The following ZNF219 variants were observed in gnomAD, a reference collection of about 807,000 sequenced individuals.
ZNF219 encodes zinc finger protein 219.
In ZNF219, 17 loss-of-function variants were observed where a neutral mutation model predicts 54.4. The ratio of observed to expected loss-of-function variants is 0.31; its 90% CI spans 0.21 to 0.47. The LOEUF is 0.47. Among genes scored for constraint, ZNF219 ranks in the 20% least tolerant of loss-of-function variants. The pLI is 1.00. For synonymous variants in ZNF219, 518 were observed against 476.4 expected (o/e 1.09, Z -1.14); for missense variants, 1,014 against 1,062.3 (o/e 0.95, Z 0.63).
chr14:21,090,403 T>A lies in ZNF219; in HGVS notation c.*133A>T. The A allele has an allele frequency of 7.8e-7, 1 of 1,283,200 alleles. No homozygotes were observed. The highest frequency in any genetic ancestry group is 1.1e-6 in the Non-Finnish European group (1 of 949,934). 79.5% of individuals were successfully genotyped at this position (1,283,200 alleles called of 1,614,324 possible). A position where few individuals can be genotyped will look rare whatever the true frequency, so the allele number is the denominator to read the frequency against. On this transcript the variant is annotated 3_prime_UTR_variant, in exon 5 of 5. Transcript: ENST00000360947. The surrounding 1 kb of genome is among the most constrained non-coding windows in gnomAD (Gnocchi z 4.4). ...CCACCCTCCTACGCCCGCCGCGCCTTCCACCTCTGGTCCGCCTGGGGCTGG... is the reference window on the plus strand; with the variant it reads ...CCACCCTCCTACGCCCGCCGCGCCTACCACCTCTGGTCCGCCTGGGGCTGG...
At chr14:21,096,924 C>G (rs1356971721) in intron 1 of ZNF219, among the ~76,000 whole-genome samples, 1 of 152,210 alleles carries the variant, frequency 6.6e-6, no homozygotes, top group African/African-American at 2.4e-5. Flanking sequence ...TTCAGGACTT[C>G]TGGGGTCCAG....
In ZNF219 at chr14:21,093,057, T is replaced by G. The variant is rs770933409; in HGVS notation, c.240A>C (p.Pro80=). Residue 80 remains proline (P), a synonymous_variant, in exon 3 of 5, where the codon CCA becomes CCC. Transcript: ENST00000360947. ...GAGGGCACTGGAAGGCCTGGGCTCC[T>G]GGGTGCGCCCGCAGGTGCAAAGCAA... is the stretch of plus-strand genomic sequence containing the variant. The part of the protein sequence containing the change: ...SILALHLRAH[P]GAQAFQCPHC... The G allele has an allele frequency of 7.5e-6, 12 of 1,600,914 alleles. No individual in the cohort carries two copies. In the South Asian group the frequency reaches 1.3e-4, roughly 18 times the overall value.
In ZNF219 at chr14:21,092,554, G is replaced by C; in HGVS notation, c.743C>G (p.Pro248Arg). 1 of 1,548,216 alleles carries C rather than the reference G, an allele frequency of 6.5e-7. No homozygotes were observed. The highest frequency in any genetic ancestry group is 1.2e-5 in the South Asian group (1 of 83,980). The change falls in exon 3 of 5, where the codon CCG (proline) becomes CGG (arginine). Residue 248 changes from proline to arginine, a missense_variant. Physicochemically the swap from Pro to Arg is moderately radical, Grantham distance 103. Around this residue, in one of 5 missense-constraint regions of ZNF219, gnomAD observed 395 missense variants for 415.1 expected, o/e 0.95. Coordinates refer to ENST00000360947, the MANE Select transcript of ZNF219 (RefSeq NM_016423.3). ...PEPRSVPQPE[P>R]EPEPEREATP... ...TGCCTCACGTTCGGGCTCCGGCTCC[G>C]GCTCCGGCTGGGGGACTGATCTGGG...
chr14:21,092,599 TGAGG>T lies in ZNF219; in HGVS notation c.694_697del (p.Pro232SerfsTer89). On this transcript the variant is annotated frameshift_variant, in exon 3 of 5. Transcript: ENST00000360947. LOFTEE classifies it high-confidence loss of function. Reference sequence around the variant, plus strand: ...TCTGGGTTCGGGCTGGGGTGGAGGCTGAGGCTGAGGCTGAGGCGGAGGCGCAGCG... The same window carrying T: ...TCTGGGTTCGGGCTGGGGTGGAGGCTCTGAGGCTGAGGCGGAGGCGCAGCG... The T allele has an allele frequency of 3.0e-6, 3 of 991,084 alleles. No homozygotes were observed. The highest frequency in any genetic ancestry group is 2.5e-5 in the African/African-American group (1 of 40,026). The allele number at this position is 991,084 out of a possible 1,614,324, so 61.4% of individuals were successfully genotyped here.
At chr14:21,091,633 T>TC (rs1195602181) in intron 3 of ZNF219, 91 bp from the exon 4 acceptor site, 25 of 1,506,382 alleles carry the variant, frequency 1.7e-5, no homozygotes, top group Non-Finnish European at 2.1e-5. Context: ...TAGGGCTGCT[T>TC]CCCCTCGGGG....
rs750433784 is a variant in ZNF219, at chr14:21,090,162, G to T, written c.*374C>A. 2 of 503,248 alleles carry T rather than the reference G, an allele frequency of 4.0e-6. No individual in the cohort carries two copies. 31.2% of individuals were successfully genotyped at this position (503,248 alleles called of 1,614,324 possible). A position where few individuals can be genotyped will look rare whatever the true frequency, so the allele number is the denominator to read the frequency against. On this transcript the variant is annotated 3_prime_UTR_variant, in exon 5 of 5. Transcript: ENST00000360947. This position sits in a 1 kb window ranked among gnomAD's most constrained non-coding sequence, Gnocchi z 4.4. ...CGTACCAAAAATAGCGACGTCTACA[G>T]GGCCCCTGATGGGGCTAGAAGGGTA... is the stretch of plus-strand genomic sequence containing the variant.
In ZNF219 at chr14:21,092,228, A is replaced by T. The variant is rs1443592853; in HGVS notation, c.1069T>A (p.Leu357Met). ...PDLGLLAYEPLGPALLLAPAP... is the reference protein window; with the variant it reads ...PDLGLLAYEPMGPALLLAPAP... ...GGGGCCAAGAGGAGCGCTGGGCCCA[A>T]CGGCTCATAGGCCAGCAGGCCGAGG... Residue 357 changes from leucine (L) to methionine (M), a missense_variant, in exon 3 of 5, where the codon TTG becomes ATG. By Grantham distance (15) the Leu-to-Met change is conservative. Around this residue, in one of 5 missense-constraint regions of ZNF219, gnomAD observed 272 missense variants for 248.9 expected, o/e 1.09. Coordinates refer to ENST00000360947, the MANE Select transcript of ZNF219 (RefSeq NM_016423.3). 1 of 1,448,512 alleles carries T rather than the reference A, an allele frequency of 6.9e-7. No individual in the cohort carries two copies. The highest frequency in any genetic ancestry group is 9.0e-7 in the Non-Finnish European group (1 of 1,106,270). The allele number at this position is 1,448,512 out of a possible 1,614,324, so 89.7% of individuals were successfully genotyped here.
intron 1 of ZNF219, among the ~76,000 whole-genome samples, chr14:21,094,907 C>CTTTTTTTT: frequency 8.0e-6 from 1 of 125,146 alleles, no homozygotes; most frequent in Non-Finnish European, 1.7e-5. Context: ...TGGGTCTAAC[C>CTTTTTTTT]TTTTTTTTTT....
chr14:21,092,420 T>C lies in ZNF219; in HGVS notation c.877A>G (p.Met293Val). 1.3e-6 allele frequency: 2 copies of C among 1,565,528 alleles called. No individual in the cohort carries two copies. The highest frequency in any genetic ancestry group is 1.7e-6 in the Non-Finnish European group (2 of 1,155,276). ...FTQSWFLKGH[M>V]RKHKASFDHA... ...TCGAAGGAGGCCTTGTGCTTACGCA[T>C]GTGGCCCTTGAGAAACCAAGACTGT... Residue 293 changes from methionine (M) to valine (V), a missense_variant, in exon 3 of 5, where the codon ATG becomes GTG. By Grantham distance (21) the Met-to-Val change is conservative. This residue lies in a region of ZNF219 where 28 missense variants were observed against 59.8 expected (regional missense o/e 0.47). Coordinates refer to ENST00000360947, the MANE Select transcript of ZNF219 (RefSeq NM_016423.3).
At chr14:21,096,839 T>C (rs1183623735) in intron 1 of ZNF219, among the ~76,000 whole-genome samples, 1 of 152,218 alleles carries the variant, frequency 6.6e-6, no homozygotes. Flanking sequence ...AAGTATTTGC[T>C]AAATGGACCA....
At chr14:21,099,325 C>G (rs546796546), upstream of ZNF219, 31 of 152,436 alleles carry the variant, frequency 2.0e-4, no homozygotes, top group African/African-American at 7.2e-4. Flanking sequence ...AAAAATGAGG[C>G]TTCAGGAAGT....
intron 1 of ZNF219, among the ~76,000 whole-genome samples, chr14:21,094,226 A>G (rs1202918653): frequency 1.3e-5 from 2 of 152,010 alleles, no homozygotes; most frequent in East Asian, 1.9e-4. Context: ...TCATTCATGC[A>G]TGGGAGAGAA....
At position 21,092,836 on chromosome 14, in the gene ZNF219, C is replaced by T. The variant is rs1309131368; in HGVS notation, c.461G>A (p.Arg154Gln). ...QATPATEGLA[R>Q]PQAPSSSAFR... ...GGCGGACGATGAAGGAGCCTGGGGC[C>T]GCGCCAGACCCTCAGTGGCAGGGGT... Residue 154 changes from arginine (R) to glutamine (Q), a missense_variant, in exon 3 of 5, where the codon CGG (arginine) becomes CAG (glutamine). By Grantham distance (43) the Arg-to-Gln change is conservative. Coordinates refer to ENST00000360947, the MANE Select transcript of ZNF219 (RefSeq NM_016423.3). 1.9e-6 allele frequency: 3 copies of T among 1,567,060 alleles called. No individual in the cohort carries two copies. In the African/African-American group the frequency reaches 4.1e-5, roughly 21 times the overall value.
At chr14:21,093,440 G>A in intron 2 of ZNF219, 146 bp downstream of exon 2, 1 of 1,419,704 alleles carries the variant, frequency 7.0e-7, no homozygotes, top group Non-Finnish European at 9.7e-7. Context: ...TCGGGAAGAT[G>A]GGGTGGGGGG....
intron 1 of ZNF219, chr14:21,094,265 A>G (rs1356909588): frequency 4.7e-6 from 2 of 424,562 alleles, no homozygotes; most frequent in Non-Finnish European, 9.5e-6. Context: ...GTCTGAAGAC[A>G]GACAGAGGGG....
upstream of ZNF219, chr14:21,102,252 T>C: frequency 7.1e-7 from 1 of 1,409,982 alleles, no homozygotes; most frequent in Non-Finnish European, 9.6e-7. Context: ...CCTCAATCAC[T>C]GAGGAGGAAA....
At chr14:21,093,983 A>G (rs1355726868) in intron 1 of ZNF219, among the ~76,000 whole-genome samples, 1 of 152,152 alleles carries the variant, frequency 6.6e-6, no homozygotes, top group East Asian at 1.9e-4. Context: ...CCCCTCTCCC[A>G]TGTAGGTTGG....
Position 21,091,499 on chromosome 14 carries a change from GCCC to G in ZNF219, c.1473_1475del (p.Gly492del). The G allele has an allele frequency of 6.2e-7, 1 of 1,609,398 alleles. No individual in the cohort carries two copies. Among genetic ancestry groups the G allele is most frequent in the South Asian group, 1.1e-5 (1 of 90,988 alleles). On this transcript the variant is annotated inframe_deletion, in exon 4 of 5. Transcript: ENST00000360947. ...GACAATCCTTGCCGGTGGCGCCCCGGCCCCCTTCAGGCCGGGTCCCTCCAACCA... is the reference window on the plus strand; with the variant it reads ...GACAATCCTTGCCGGTGGCGCCCCGGCCTTCAGGCCGGGTCCCTCCAACCA...
At chr14:21,100,363 CAATAATAT>C (rs1889555355), upstream of ZNF219, among the ~76,000 whole-genome samples, 1 of 118,326 alleles carries the variant, frequency 8.5e-6, no homozygotes, top group Admixed American at 8.9e-5. Context: ...GCCCCTGTCT[CAATAATAT>C]AATAATAATA....
Sources: gnomAD v4.1 joint callset for allele counts (sites outside exome capture counted in the v4.1 genomes callset) on GRCh38, gnomAD v4.1.1 for gene constraint, gnomAD v4.1.1 regional missense constraint, Gnocchi (gnomAD v3.1) non-coding constraint, MANE v1.5 for transcripts, NCBI Gene and HGNC (gene_info 2026-07-23, HGNC 2026-07-21) for gene names.